The following CYP1A2 variants were observed in gnomAD, a reference collection of about 807,000 sequenced individuals.
CYP1A2 encodes the protein cytochrome P450 family 1 subfamily A member 2, also known as cytochrome P450 1A2.
CYP1A2 carries 35 observed loss-of-function variants against 34.7 expected under a neutral mutation model. The ratio of observed to expected loss-of-function variants is 1.01; its 90% CI spans 0.77 to 1.34. The LOEUF is 1.34. CYP1A2 is among the 40% of genes most tolerant of loss of function. The pLI, the probability that CYP1A2 is intolerant of heterozygous loss-of-function variation, is 0.00. For synonymous variants in CYP1A2, 288 were observed against 281.9 expected, an observed-to-expected ratio of 1.02 and a Z score of -0.22; for missense variants, 675 against 675.8, an observed-to-expected ratio of 1.00 and a Z score of 0.01.
At chr15:74,751,102 C>A (rs2063313237) in intron 2 of CYP1A2, 87 bp from the exon 3 acceptor site, 1 of 1,542,088 alleles carries the variant, frequency 6.5e-7, no homozygotes, top group Admixed American at 2.0e-5. Context: ...GGTACCCAGC[C>A]ACCAGGTACA....
rs1472783688 is a variant in CYP1A2, at chr15:74,750,266, G to A, written c.528G>A (p.Leu176=). The A allele has an allele frequency of 1.9e-6, 3 of 1,614,130 alleles. No individual in the cohort carries two copies. The highest frequency in any genetic ancestry group is 4.5e-5 in the East Asian group (2 of 44,900). The change falls in exon 2 of 7, where the codon TTG becomes TTA. Residue 176 remains leucine, a synonymous_variant. Coordinates refer to ENST00000343932, the MANE Select transcript of CYP1A2 (RefSeq NM_000761.5). The part of the protein sequence containing the change: ...SKEAKALISR[L]QELMAGPGHF... ...AGGCTAAGGCCCTGATCAGCAGGTT[G>A]CAGGAGCTGATGGCAGGGCCTGGGC... is the stretch of plus-strand genomic sequence containing the variant.
chr15:74,750,994 G>A (rs142975056), intron 2 of CYP1A2, among the ~76,000 whole-genome samples, 195 bp from the exon 3 acceptor site: 2 of 152,102 alleles, frequency 1.3e-5, no homozygotes, highest in African/African-American at 2.4e-5. Flanking sequence ...AGGGTCAATG[G>A]GGCATAAAAT....
At chr15:74,751,151 G>C in intron 2 of CYP1A2, 38 bp from the exon 3 acceptor site, 1 of 1,611,696 alleles carries the variant, frequency 6.2e-7, no homozygotes, top group Non-Finnish European at 8.5e-7. Flanking sequence ...TTTGACCTTG[G>C]AAGTGCCAGA....
Position 74,754,849 on chromosome 15 carries a change from A to G in CYP1A2, c.1312A>G (p.Thr438Ala), listed in dbSNP as rs763246035. Residue 438 changes from threonine (T) to alanine (A), a missense_variant, in exon 7 of 7, where the codon ACT (threonine) becomes GCT (alanine). Coordinates refer to ENST00000343932, the MANE Select transcript of CYP1A2 (RefSeq NM_000761.5). Reference protein sequence around the residue: ...RPERFLTADGTAINKPLSEKM... With the variant: ...RPERFLTADGAAINKPLSEKM... Reference sequence around the variant, plus strand: ...TGAGCGGTTCCTCACCGCCGATGGCACTGCCATTAACAAGCCCTTGAGTGA... The same window carrying G: ...TGAGCGGTTCCTCACCGCCGATGGCGCTGCCATTAACAAGCCCTTGAGTGA... The G allele has an allele frequency of 1.2e-6, 2 of 1,614,104 alleles. No individual in the cohort carries two copies. Among genetic ancestry groups the G allele is most frequent in the Non-Finnish European group, 1.7e-6 (2 of 1,180,042 alleles).
Position 74,750,494 on chromosome 15 carries a change from G to A in CYP1A2, c.756G>A (p.Arg252=), listed in dbSNP as rs377683245. ...ACCTGCCTAACCCTGCCCTGCAGAG[G>A]TTCAAGGCCTTCAACCAGAGGTTCC... The part of the protein sequence containing the change: ...LRYLPNPALQ[R]FKAFNQRFLW... The change falls in exon 2 of 7, where the codon AGG becomes AGA. Residue 252 remains arginine (R), a synonymous_variant. Coordinates refer to ENST00000343932, the MANE Select transcript of CYP1A2 (RefSeq NM_000761.5). The A allele has an allele frequency of 2.5e-6, 4 of 1,614,088 alleles. No homozygotes were observed. Among genetic ancestry groups the A allele is most frequent in the Non-Finnish European group, 3.4e-6 (4 of 1,180,052 alleles).
In CYP1A2 at chr15:74,749,716, T is replaced by A; in HGVS notation, c.-9-14T>A. 2 of 1,504,770 alleles carry A rather than the reference T, an allele frequency of 1.3e-6. No individual in the cohort carries two copies. The highest frequency in any genetic ancestry group is 1.8e-6 in the Non-Finnish European group (2 of 1,123,810). 93.2% of individuals were successfully genotyped at this position (1,504,770 alleles called of 1,614,324 possible). ...TCTCAACCCTCAGCCTGGTCCCTCC[T>A]TTTTTCCCTGCAGTTGGTACAGATG... On this transcript the variant is annotated splice_polypyrimidine_tract_variant and intron_variant, in intron 1 of 6. Coordinates refer to ENST00000343932, the MANE Select transcript of CYP1A2 (RefSeq NM_000761.5).
In CYP1A2 at chr15:74,749,957, G is replaced by A. The variant is rs1179319343; in HGVS notation, c.219G>A (p.Gly73=). 1 of 1,613,962 alleles carries A rather than the reference G, an allele frequency of 6.2e-7. No homozygotes were observed. Among genetic ancestry groups the A allele is most frequent in the Non-Finnish European group, 8.5e-7 (1 of 1,179,882 alleles). ...TGTCAAGGATGAGCCAGCGCTACGG[G>A]GACGTCCTGCAGATCCGCATTGGCT... The part of the protein sequence containing the change: ...LALSRMSQRY[G]DVLQIRIGST... Residue 73 remains glycine, a synonymous_variant, in exon 2 of 7, where the codon GGG becomes GGA. Transcript: ENST00000343932.
In CYP1A2 at chr15:74,754,932, G is replaced by C; in HGVS notation, c.1395G>C (p.Lys465Asn). The C allele has an allele frequency of 6.2e-7, 1 of 1,614,260 alleles. No individual in the cohort carries two copies. Among genetic ancestry groups the C allele is most frequent in the South Asian group, 1.1e-5 (1 of 91,088 alleles). The part of the protein sequence containing the change: ...KRRCIGEVLA[K>N]WEIFLFLAIL... ...GGTGTATCGGGGAAGTCCTGGCCAA[G>C]TGGGAGATCTTCCTCTTCCTGGCCA... The change falls in exon 7 of 7, where the codon AAG becomes AAC. Residue 465 changes from lysine to asparagine, a missense_variant. Transcript: ENST00000343932.
At position 74,749,796 on chromosome 15, in the gene CYP1A2, A is replaced by G; in HGVS notation, c.58A>G (p.Ile20Val). The change falls in exon 2 of 7, where the codon ATC (isoleucine) becomes GTC (valine). Residue 20 changes from isoleucine (I) to valine (V), a missense_variant. Transcript: ENST00000343932. ...CACAGAGCTTCTCCTGGCCTCTGCCATCTTCTGCCTGGTATTCTGGGTGCT... is the reference window on the plus strand; with the variant it reads ...CACAGAGCTTCTCCTGGCCTCTGCCGTCTTCTGCCTGGTATTCTGGGTGCT... ...SATELLLASA[I>V]FCLVFWVLKG... The G allele has an allele frequency of 3.2e-6, 5 of 1,579,870 alleles. No individual in the cohort carries two copies. Among genetic ancestry groups the G allele is most frequent in the East Asian group, 2.3e-5 (1 of 44,374 alleles).
Position 74,754,993 on chromosome 15 carries a change from G to A in CYP1A2, c.1456G>A (p.Gly486Ser), listed in dbSNP as rs1451363283. ...LQQLEFSVPP[G>S]VKVDLTPIYG... is the part of the protein sequence containing the mutation. The stretch of plus-strand genomic sequence containing the variant: ...GCAACTGGAGTTCAGCGTGCCGCCG[G>A]GCGTGAAAGTCGACCTGACCCCCAT... Residue 486 changes from glycine (G) to serine (S), a missense_variant, in exon 7 of 7, where the codon GGC (glycine) becomes AGC (serine). Gly to Ser is a moderately conservative substitution (Grantham distance 56). Coordinates refer to ENST00000343932, the MANE Select transcript of CYP1A2 (RefSeq NM_000761.5). The A allele has an allele frequency of 1.9e-6, 3 of 1,614,212 alleles. No homozygotes were observed. The highest frequency in any genetic ancestry group is 2.5e-6 in the Non-Finnish European group (3 of 1,180,046).
At position 74,752,121 on chromosome 15, in the gene CYP1A2, C is replaced by T. The variant is rs2063318284; in HGVS notation, c.1043-3C>T. The stretch of plus-strand genomic sequence containing the variant: ...AGCTCTGCTTGTCCTCTGTGTTCTA[C>T]AGACACTGTGATTGGCAGGGAGCGG... On this transcript the variant is annotated splice_region_variant and splice_polypyrimidine_tract_variant and intron_variant, in intron 4 of 6. Transcript: ENST00000343932. 1 of 1,613,952 alleles carries T rather than the reference C, an allele frequency of 6.2e-7. No individual in the cohort carries two copies. Among genetic ancestry groups the T allele is most frequent in the African/African-American group, 1.3e-5 (1 of 75,028 alleles).
Position 74,754,975 on chromosome 15 carries a change from G to C in CYP1A2, c.1438G>C (p.Glu480Gln), listed in dbSNP as rs779013270. 9 of 1,614,126 alleles carry C rather than the reference G, an allele frequency of 5.6e-6. No homozygotes were observed. Among genetic ancestry groups the C allele is most frequent in the Non-Finnish European group, 7.6e-6 (9 of 1,180,056 alleles). ...CCTGGCCATCCTGCTACAGCAACTG[G>C]AGTTCAGCGTGCCGCCGGGCGTGAA... is the stretch of plus-strand genomic sequence containing the variant. ...LFLAILLQQL[E>Q]FSVPPGVKVD... is the part of the protein sequence containing the mutation. The change falls in exon 7 of 7, where the codon GAG (glutamate) becomes CAG (glutamine). Residue 480 changes from glutamate (E) to glutamine (Q), a missense_variant. Transcript: ENST00000343932.
chr15:74,754,040 G>A (rs781239138), intron 6 of CYP1A2, among the ~76,000 whole-genome samples: 8 of 152,150 alleles, frequency 5.3e-5, no homozygotes, highest in Non-Finnish European at 1.2e-4. Flanking sequence ...TGAGTAGGAT[G>A]AAGAAACGTA....
At chr15:74,751,166 C>A (rs200115475) in intron 2 of CYP1A2, 23 bp from the exon 3 acceptor site, 8 of 1,612,788 alleles carry the variant, frequency 5.0e-6, no homozygotes, top group Non-Finnish European at 6.8e-6. Flanking sequence ...GCCAGAGGTG[C>A]CCCTAAGCTT....
intron 6 of CYP1A2, among the ~76,000 whole-genome samples, chr15:74,754,199 C>T (rs1287476177): frequency 6.6e-6 from 1 of 151,990 alleles, no homozygotes; most frequent in Admixed American, 6.6e-5. Flanking sequence ...CCACCAAACC[C>T]AGCCTGTTTT....
At chr15:74,750,869 C>T (rs1385534615) in intron 2 of CYP1A2, among the ~76,000 whole-genome samples, 2 of 152,214 alleles carry the variant, frequency 1.3e-5, no homozygotes, top group Non-Finnish European at 1.5e-5. Flanking sequence ...TTTCATTCTG[C>T]AGAAACCTAA....
rs964258258 is a variant in CYP1A2 at position 74,755,604 on chromosome 15, C to A, written c.*516C>A. On this transcript the variant is annotated 3_prime_UTR_variant, in exon 7 of 7. Transcript: ENST00000343932. ...CTGGGATTACAAGCATGAGTCACTA[C>A]GCCTGGCTGATTTTTGTAGTTTTAG... The A allele has an allele frequency of 6.6e-6, 1 of 152,120 alleles. No homozygotes were observed. Among genetic ancestry groups the A allele is most frequent in the African/African-American group, 2.4e-5 (1 of 41,266 alleles). The allele number at this position is 152,120 out of a possible 1,614,324, so 9.4% of individuals were successfully genotyped here.
chr15:74,753,220 C>T lies in CYP1A2; in HGVS notation c.1203C>T (p.Ile401=). 1 of 1,613,954 alleles carries T rather than the reference C, an allele frequency of 6.2e-7. No individual in the cohort carries two copies. The highest frequency in any genetic ancestry group is 1.1e-5 in the South Asian group (1 of 91,084). The change falls in exon 6 of 7, where the codon ATC becomes ATT. Residue 401 remains isoleucine (I), a synonymous_variant. Coordinates refer to ENST00000343932, the MANE Select transcript of CYP1A2 (RefSeq NM_000761.5). ...TRDTTLNGFY[I]PKKCCVFVNQ... Reference sequence around the variant, plus strand: ...ACACAACGCTGAATGGCTTCTACATCCCCAAGAAATGCTGTGTCTTCGTAA... The same window carrying T: ...ACACAACGCTGAATGGCTTCTACATTCCCAAGAAATGCTGTGTCTTCGTAA...
chr15:74,755,336 G>T lies in CYP1A2; in HGVS notation c.*248G>T. 3.1e-6 allele frequency: 1 copy of T among 322,440 alleles called. No individual in the cohort carries two copies. The highest frequency in any genetic ancestry group is 5.8e-5 in the East Asian group (1 of 17,348). 20.0% of individuals were successfully genotyped at this position (322,440 alleles called of 1,614,324 possible). A position where few individuals can be genotyped will look rare whatever the true frequency, so the allele number is the denominator to read the frequency against. ...ATTTGCCAAGAGCCTGAGTGACAGA[G>T]CAAGACCCCATCTCAAAAAAAAAAA... On this transcript the variant is annotated 3_prime_UTR_variant, in exon 7 of 7. Coordinates refer to ENST00000343932, the MANE Select transcript of CYP1A2 (RefSeq NM_000761.5).
Sources: gnomAD v4.1 joint callset for allele counts (sites outside exome capture counted in the v4.1 genomes callset) on GRCh38, gnomAD v4.1.1 for gene constraint, MANE v1.5 for transcripts, NCBI Gene and HGNC (gene_info 2026-07-23, HGNC 2026-07-21) for gene names.